The following ARHGEF28 variants were observed in gnomAD, a reference collection of about 807,000 sequenced individuals.
ARHGEF28 encodes the protein 190 kDa guanine nucleotide exchange factor.
ARHGEF28 carries 152 observed loss-of-function variants against 206.6 expected under a neutral mutation model. The observed-to-expected ratio is 0.74, with a 90% CI of 0.64 to 0.84. ARHGEF28 has a LOEUF of 0.84. Ranked by LOEUF, ARHGEF28 falls within the 40% of genes least tolerant of loss-of-function variation. The probability of loss-of-function intolerance (pLI) is 0.00; values close to 1 mark genes in which losing one functional copy is unlikely to be tolerated. For missense variants in ARHGEF28, 2,028 were observed against 2,073.2 expected (o/e 0.98, Z 0.42); for synonymous variants, 763 against 776.4 (o/e 0.98, Z 0.29).
In ARHGEF28 at chr5:73,645,477, A is replaced by T. The variant is rs569584329; in HGVS notation, c.-12+19155A>T. On this transcript the variant is annotated intron_variant, in intron 1 of 35. Transcript: ENST00000513042. ...TTCTGAGAAAATACCATACTCTGAT[A>T]GTTTAGAGTAATAAGAAATTACTCA... 2.6e-5 allele frequency among the ~76,000 whole-genome samples: 4 copies of T among 152,230 alleles called. No individual in the cohort carries two copies. The East Asian group carries it at 7.7e-4, about 29-fold the overall frequency.
At chr5:73,842,620 T>G (rs1579973159) in intron 11 of ARHGEF28, among the ~76,000 whole-genome samples, 1 of 152,270 alleles carries the variant, frequency 6.6e-6, no homozygotes, top group South Asian at 2.1e-4. Context: ...CCACACAAGA[T>G]TCTATACAGT....
intron 9 of ARHGEF28, among the ~76,000 whole-genome samples, chr5:73,813,137 A>G (rs1755944973): frequency 6.6e-6 from 1 of 152,138 alleles, no homozygotes; most frequent in Admixed American, 6.5e-5. Flanking sequence ...AGCTCTTCTG[A>G]GAAGCAATAT....
intron 2 of ARHGEF28, among the ~76,000 whole-genome samples, chr5:73,695,921 C>T (rs1748183022): frequency 6.6e-6 from 1 of 152,198 alleles, no homozygotes; most frequent in Non-Finnish European, 1.5e-5. Flanking sequence ...TTTCCTCATT[C>T]TCTTATTTCT....
intron 1 of ARHGEF28, among the ~76,000 whole-genome samples, chr5:73,680,055 G>A (rs1746965452): frequency 6.6e-6 from 1 of 152,222 alleles, no homozygotes; most frequent in South Asian, 2.1e-4. Flanking sequence ...CTTGTGTGTG[G>A]TGTTTTTAAA....
intron 7 of ARHGEF28, among the ~76,000 whole-genome samples, 198 bp from the exon 8 acceptor site, chr5:73,794,204 A>G (rs1754654252): frequency 1.3e-5 from 2 of 152,126 alleles, no homozygotes; most frequent in African/African-American, 4.8e-5. Context: ...TAGTCCACAC[A>G]GATAATACCA....
chr5:73,761,528 T>G (rs761046169), intron 4 of ARHGEF28, among the ~76,000 whole-genome samples: 4 of 152,042 alleles, frequency 2.6e-5, no homozygotes, highest in Non-Finnish European at 5.9e-5. Flanking sequence ...TGTTCCAAAG[T>G]CCCCCTTTAC....
At chr5:73,751,091 G>A (rs555064873) in intron 3 of ARHGEF28, among the ~76,000 whole-genome samples, 6 of 152,236 alleles carry the variant, frequency 3.9e-5, no homozygotes, top group South Asian at 2.1e-4. Context: ...AATCTGCATC[G>A]TTAAAAGAAA....
intron 30 of ARHGEF28, chr5:73,900,390 G>A (rs1762194883): frequency 6.6e-6 from 1 of 152,104 alleles, no homozygotes; most frequent in Admixed American, 6.5e-5. Context: ...AGTGCAAGGT[G>A]GGCACAGTTT....
Position 73,846,381 on chromosome 5 carries a change from G to C in ARHGEF28, c.1541G>C (p.Gly514Ala). Reference sequence around the variant, plus strand: ...TCCTCAAGAACTGGGATTCCTAGTGGGGATGAATTGGACTCTTTTGAGACT... The same window carrying C: ...TCCTCAAGAACTGGGATTCCTAGTGCGGATGAATTGGACTCTTTTGAGACT... ...QSSSRTGIPS[G>A]DELDSFETNT... Residue 514 changes from glycine to alanine, a missense_variant, in exon 12 of 36, where the codon GGG (glycine) becomes GCG (alanine). Coordinates refer to ENST00000513042, the MANE Select transcript of ARHGEF28 (RefSeq NM_001177693.2). The C allele has an allele frequency of 3.1e-6, 5 of 1,613,886 alleles. No individual in the cohort carries two copies. Among genetic ancestry groups the C allele is most frequent in the Non-Finnish European group, 4.2e-6 (5 of 1,179,858 alleles).
chr5:73,825,497 C>G (rs1029064983), intron 9 of ARHGEF28, among the ~76,000 whole-genome samples: 3 of 152,006 alleles, frequency 2.0e-5, no homozygotes, highest in Non-Finnish European at 4.4e-5. Flanking sequence ...CACTGTAGGT[C>G]ATGGAAAACT....
chr5:73,852,900 TG>T (rs2112601947), intron 14 of ARHGEF28, among the ~76,000 whole-genome samples: 1 of 152,324 alleles, frequency 6.6e-6, no homozygotes, highest in African/African-American at 2.4e-5. Context: ...GCCTCAGGAT[TG>T]GGGACAGCAT....
chr5:73,842,896 C>G (rs1758071791), intron 11 of ARHGEF28, among the ~76,000 whole-genome samples: 1 of 151,294 alleles, frequency 6.6e-6, no homozygotes, highest in African/African-American at 2.4e-5. Flanking sequence ...CTGAGGCAGG[C>G]TCATTGCCTG....
Position 73,941,142 on chromosome 5 carries a change from G to A in ARHGEF28, c.*129G>A. The A allele has an allele frequency of 2.1e-6, 2 of 967,430 alleles. No individual in the cohort carries two copies. The highest frequency in any genetic ancestry group is 6.9e-5 in the East Asian group (2 of 29,014). 59.9% of individuals were successfully genotyped at this position (967,430 alleles called of 1,614,324 possible). On this transcript the variant is annotated 3_prime_UTR_variant, in exon 36 of 36. Transcript: ENST00000513042. ...TTAAGAATAATATTTAATATTTCCT[G>A]GAAGCTCATTTTTTTGGCATGAGTC... is the stretch of plus-strand genomic sequence containing the variant.
At chr5:73,904,859 G>A (rs1762461815) in intron 33 of ARHGEF28, 1 of 162,828 alleles carries the variant, frequency 6.1e-6, no homozygotes, top group Admixed American at 6.0e-5. Flanking sequence ...TTAATGTTGA[G>A]GGGATGAACA....
At chr5:73,750,696 G>C (rs16870770) in intron 3 of ARHGEF28, among the ~76,000 whole-genome samples, 3,346 of 152,148 alleles carry the variant, frequency 0.022, 136 homozygotes, top group African/African-American at 0.076. Flanking sequence ...GAGTCATCAG[G>C]CTTTAACCTA....
At chr5:73,642,136 A>G (rs767785) in intron 1 of ARHGEF28, among the ~76,000 whole-genome samples, 3,089 of 152,242 alleles carry the variant, frequency 0.02, 102 homozygotes, top group African/African-American at 0.071. Context: ...AAAGACCAGA[A>G]GAGGTTATGT....
intron 1 of ARHGEF28, among the ~76,000 whole-genome samples, chr5:73,663,297 T>G (rs918572146): frequency 2.6e-5 from 4 of 152,194 alleles, no homozygotes; most frequent in African/African-American, 9.7e-5. Context: ...GAACACTTCT[T>G]CAGTGTGCAG....
intron 35 of ARHGEF28, among the ~76,000 whole-genome samples, chr5:73,919,246 A>G (rs1046915003): frequency 5.3e-5 from 8 of 152,216 alleles, no homozygotes; most frequent in South Asian, 2.1e-4. Context: ...TAGAAAGCCA[A>G]TAGTTTAAAA....
chr5:73,629,115 C>T (rs1047690027), intron 1 of ARHGEF28, among the ~76,000 whole-genome samples: 3 of 152,028 alleles, frequency 2.0e-5, no homozygotes, highest in Admixed American at 6.6e-5. Flanking sequence ...CTTTGGATTC[C>T]GTGTTGAAGG....
Sources: gnomAD v4.1 joint callset for allele counts (sites outside exome capture counted in the v4.1 genomes callset) on GRCh38, gnomAD v4.1.1 for gene constraint, MANE v1.5 for transcripts, NCBI Gene and HGNC (gene_info 2026-07-23, HGNC 2026-07-21) for gene names.